Variants in DNAJC1 observed in about 807,000 individuals in gnomAD.
The protein encoded by DNAJC1 is dnaJ homolog subfamily C member 1.
DNAJC1 carries 58 observed loss-of-function variants against 76.6 expected under a neutral mutation model. The ratio of observed to expected loss-of-function variants is 0.76; its 90% CI spans 0.61 to 0.94. DNAJC1 has a LOEUF of 0.94. Ranked by LOEUF, DNAJC1 falls within the 40% of genes least tolerant of loss-of-function variation. The pLI is 0.00. For missense variants in DNAJC1, 689 were observed against 677.3 expected (o/e 1.02, Z -0.19); for synonymous variants, 258 against 267.9 (o/e 0.96, Z 0.36).
rs544043104 is a variant in DNAJC1 at position 21,795,286 on chromosome 10, A to G, written c.1098+10694T>C. Reference sequence around the variant, plus strand: ...ATAGAATAAATAAAATGCAGTATTTATGCACACAAATATTGAGCAATATGA... The same window carrying G: ...ATAGAATAAATAAAATGCAGTATTTGTGCACACAAATATTGAGCAATATGA... On this transcript the variant is annotated intron_variant, in intron 9 of 11. Coordinates refer to ENST00000376980, the MANE Select transcript of DNAJC1 (RefSeq NM_022365.4). Among the ~76,000 whole-genome samples the G allele has an allele frequency of 1.2e-3, 177 of 152,360 alleles. No individual in the cohort carries two copies. The Middle Eastern group carries it at 0.014, about 12-fold the overall frequency.
intron 1 of DNAJC1, among the ~76,000 whole-genome samples, chr10:21,996,595 C>T (rs569759542): frequency 3.3e-5 from 5 of 152,270 alleles, no homozygotes; most frequent in African/African-American, 1.2e-4. Context: ...TTTCCCAGTT[C>T]AACTTAGGCT....
chr10:21,816,710 T>C (rs1835083201), intron 8 of DNAJC1, among the ~76,000 whole-genome samples: 1 of 150,416 alleles, frequency 6.6e-6, no homozygotes, highest in Admixed American at 6.6e-5. Flanking sequence ...CATGACCAGC[T>C]AATTTTTTGT....
intron 9 of DNAJC1, among the ~76,000 whole-genome samples, chr10:21,795,778 C>T (rs1242945976): frequency 6.6e-6 from 1 of 152,134 alleles, no homozygotes; most frequent in African/African-American, 2.4e-5. Flanking sequence ...CATTGAACAA[C>T]AACTCTCTAT....
At chr10:21,917,968 A>C (rs1267599284) in intron 6 of DNAJC1, among the ~76,000 whole-genome samples, 1 of 151,970 alleles carries the variant, frequency 6.6e-6, no homozygotes, top group Non-Finnish European at 1.5e-5. Flanking sequence ...AAGTGGGTAG[A>C]ACTGAATTAG....
intron 9 of DNAJC1, among the ~76,000 whole-genome samples, chr10:21,784,883 C>T (rs1324904382): frequency 6.6e-6 from 1 of 151,696 alleles, no homozygotes; most frequent in South Asian, 2.1e-4. Context: ...GGGAACATCA[C>T]ACACCGGGGC....
At chr10:21,954,242 G>C (rs1028865412) in intron 1 of DNAJC1, among the ~76,000 whole-genome samples, 2 of 152,118 alleles carry the variant, frequency 1.3e-5, no homozygotes, top group Non-Finnish European at 2.9e-5. Context: ...ACTAAATTAA[G>C]TATTTTCTCT....
chr10:21,884,207 T>A (rs1045349585), intron 7 of DNAJC1, among the ~76,000 whole-genome samples: 1 of 152,132 alleles, frequency 6.6e-6, no homozygotes, highest in Admixed American at 6.5e-5. Flanking sequence ...AAGATTGCTA[T>A]AAACAGATTT....
At chr10:21,976,811 T>C (rs1838073644) in intron 1 of DNAJC1, among the ~76,000 whole-genome samples, 1 of 152,158 alleles carries the variant, frequency 6.6e-6, no homozygotes. Context: ...ATGACTCCTG[T>C]GGCCATGTTA....
intron 6 of DNAJC1, among the ~76,000 whole-genome samples, chr10:21,909,182 CT>C (rs1197063290): frequency 4.6e-5 from 7 of 152,236 alleles, no homozygotes; most frequent in Non-Finnish European, 8.8e-5. Flanking sequence ...GCCACCGCCC[CT>C]GGCCAATATT....
chr10:21,778,446 T>G (rs1834481027), intron 9 of DNAJC1, among the ~76,000 whole-genome samples: 2 of 152,190 alleles, frequency 1.3e-5, no homozygotes, highest in Non-Finnish European at 2.9e-5. Context: ...TACCAAAGAT[T>G]TATTAAGTAT....
chr10:21,940,418 C>T (rs930384899), intron 1 of DNAJC1, among the ~76,000 whole-genome samples: 6 of 152,076 alleles, frequency 3.9e-5, no homozygotes, highest in African/African-American at 1.2e-4. Flanking sequence ...TAGCCTTAAA[C>T]TATATATACT....
intron 1 of DNAJC1, among the ~76,000 whole-genome samples, chr10:21,964,226 T>G (rs1590070261): frequency 1.3e-5 from 2 of 152,064 alleles, no homozygotes; most frequent in Admixed American, 1.3e-4. Context: ...TATTATTTTA[T>G]TTTTTTTAGA....
At chr10:21,961,526 A>C (rs1837790879) in intron 1 of DNAJC1, among the ~76,000 whole-genome samples, 1 of 152,156 alleles carries the variant, frequency 6.6e-6, no homozygotes, top group Admixed American at 6.5e-5. Context: ...AGAATAGGCA[A>C]ATCCATAGAG....
intron 1 of DNAJC1, among the ~76,000 whole-genome samples, chr10:22,001,815 G>T (rs866112124): frequency 6.6e-6 from 1 of 152,112 alleles, no homozygotes; most frequent in African/African-American, 2.4e-5. Context: ...ATTATTCCCA[G>T]TATTAAAGTA....
chr10:21,940,076 T>C (rs1435748945), intron 1 of DNAJC1, among the ~76,000 whole-genome samples: 1 of 151,844 alleles, frequency 6.6e-6, no homozygotes, highest in Admixed American at 6.6e-5. Context: ...ATCAGGAGGA[T>C]AAGGCAGGAA....
intron 9 of DNAJC1, among the ~76,000 whole-genome samples, chr10:21,772,271 CTTTTT>C (rs398045895): frequency 1.1e-5 from 1 of 93,044 alleles, no homozygotes; most frequent in Non-Finnish European, 2.0e-5. Context: ...CACCCCTCTT[CTTTTT>C]TTTTTTTTTT....
At chr10:21,835,947 C>T (rs1182601190) in intron 8 of DNAJC1, among the ~76,000 whole-genome samples, 2 of 152,244 alleles carry the variant, frequency 1.3e-5, no homozygotes, top group East Asian at 3.9e-4. Context: ...CAAGGCAGGC[C>T]ACCATTCAAA....
intron 9 of DNAJC1, among the ~76,000 whole-genome samples, chr10:21,784,451 T>TG (rs1348510085): frequency 1.3e-5 from 2 of 152,142 alleles, no homozygotes; most frequent in East Asian, 3.9e-4. Flanking sequence ...ACACTGTTGG[T>TG]GGACTGTAAA....
Position 21,906,122 on chromosome 10 carries a change from A to C in DNAJC1, c.730-1510T>G, listed in dbSNP as rs138041201. Among the ~76,000 whole-genome samples, 107 of 152,228 alleles carry C rather than the reference A, an allele frequency of 7.0e-4. 3 individuals carry two copies. In the South Asian group the frequency reaches 1.0e-2, roughly 14 times the overall value. On this transcript the variant is annotated intron_variant, in intron 6 of 11. Transcript: ENST00000376980. ...TTCCTAAAATCATTGAATCAATACA[A>C]TACAGATGTATTGTTAATATAGTAA...
Sources: allele counts gnomAD v4.1 joint callset (sites outside exome capture counted in the v4.1 genomes callset), GRCh38; gene constraint gnomAD v4.1.1; transcripts MANE v1.5; gene names NCBI Gene and HGNC (gene_info 2026-07-23, HGNC 2026-07-21).